The following TASL variants were observed in gnomAD, a reference collection of about 807,000 sequenced individuals.
TASL encodes the protein TLR adapter interacting with SLC15A4 on the lysosome.
Under a neutral mutation model 12.9 loss-of-function variants are expected in TASL, and 6 were observed. The observed-to-expected ratio is 0.46, with a 90% CI of 0.25 to 0.92. TASL has a LOEUF of 0.92. Ranked by LOEUF, TASL falls within the 40% of genes least tolerant of loss-of-function variation. The probability of loss-of-function intolerance (pLI) is 0.17; values close to 1 mark genes in which losing one functional copy is unlikely to be tolerated. For synonymous variants in TASL, 85 were observed against 79.3 expected (o/e 1.07, Z -0.38); for missense variants, 165 against 212.8 (o/e 0.78, Z 1.40).
At chrX:30,569,203 T>A (rs1930551711) in intron 2 of TASL, among the ~76,000 whole-genome samples, 2 of 110,976 alleles carry the variant, frequency 1.8e-5, no homozygotes, top group Non-Finnish European at 3.8e-5. Flanking sequence ...GTTAGGAGGC[T>A]GTTGGATTCA....
Position 30,559,486 on chromosome X carries a change from A to G in TASL, c.870T>C (p.Ser290=), listed in dbSNP as rs1051534138. The change falls in exon 3 of 3, where the codon AGT becomes AGC. Residue 290 remains serine (S), a synonymous_variant. Coordinates refer to ENST00000378962, the MANE Select transcript of TASL (RefSeq NM_025159.3). ...CATTGCTATACTGAGAAATATGGAG[A>G]CTAGGAGTGCTAATTTCAGTAATTT... is the stretch of plus-strand genomic sequence containing the variant. ...STEITEISTP[S]LHISQYSNVN... 4 of 1,201,876 alleles carry G rather than the reference A, an allele frequency of 3.3e-6. No individual in the cohort carries two copies. In the Admixed American group the frequency reaches 8.8e-5, roughly 27 times the overall value.
intron 2 of TASL, among the ~76,000 whole-genome samples, chrX:30,563,128 G>C (rs1181836618): frequency 9.0e-6 from 1 of 111,495 alleles, no homozygotes; most frequent in Non-Finnish European, 1.9e-5. Context: ...CACGTGTCGT[G>C]GGAGGGACCA....
rs1930373737 is a variant in TASL at position 30,558,810 on chromosome X, T to C, written c.*640A>G. 1 of 106,154 alleles carries C rather than the reference T, an allele frequency of 9.4e-6. No homozygotes were observed. Among genetic ancestry groups the C allele is most frequent in the African/African-American group, 3.4e-5 (1 of 29,450 alleles). 8.7% of individuals were successfully genotyped at this position (106,154 alleles called of 1,213,427 possible). A position where few individuals can be genotyped will look rare whatever the true frequency, so the allele number is the denominator to read the frequency against. The stretch of plus-strand genomic sequence containing the variant: ...CTCTTTACCCTGAAACCTTTTGACT[T>C]TTTTTTTTTTTTTGAGACGGGAGTC... On this transcript the variant is annotated 3_prime_UTR_variant, in exon 3 of 3. Coordinates refer to ENST00000378962, the MANE Select transcript of TASL (RefSeq NM_025159.3).
rs926906463 is a variant in TASL at position 30,559,372 on chromosome X, C to G, written c.*78G>C. On this transcript the variant is annotated 3_prime_UTR_variant, in exon 3 of 3. Coordinates refer to ENST00000378962, the MANE Select transcript of TASL (RefSeq NM_025159.3). ...CTTAATTCCCCTTCACTAACCCCTC[C>G]TGCACATTCTCAGAATAAATGGATA... The G allele has an allele frequency of 9.9e-6, 8 of 805,325 alleles. No homozygotes were observed. The South Asian group carries it at 2.1e-4, about 22-fold the overall frequency. 66.4% of individuals were successfully genotyped at this position (805,325 alleles called of 1,213,427 possible).
At position 30,559,737 on chromosome X, in the gene TASL, T is replaced by C; in HGVS notation, c.619A>G (p.Asn207Asp). 8.3e-7 allele frequency: 1 copy of C among 1,211,443 alleles called. No individual in the cohort carries two copies. The highest frequency in any genetic ancestry group is 1.1e-6 in the Non-Finnish European group (1 of 895,082). ...TCCAGGTACTCATTCAGAACTGCAT[T>C]AGAAATAGGATTCTGCATTTGCAAG... ...SSLQMQNPIS[N>D]AVLNEYLEQK... The change falls in exon 3 of 3, where the codon AAT becomes GAT. Residue 207 changes from asparagine to aspartate, a missense_variant. Physicochemically the swap from Asn to Asp is conservative, Grantham distance 23 (BLOSUM62 1). Transcript: ENST00000378962.
At chrX:30,561,445 C>T (rs767918124) in intron 2 of TASL, among the ~76,000 whole-genome samples, 22 of 111,610 alleles carry the variant, frequency 2.0e-4, no homozygotes, top group African/African-American at 3.9e-4. Context: ...CTGGCATTCC[C>T]GGCACTGGGG....
At chrX:30,561,183 T>A (rs1338341373) in intron 2 of TASL, among the ~76,000 whole-genome samples, 2 of 112,008 alleles carry the variant, frequency 1.8e-5, no homozygotes, top group African/African-American at 6.5e-5. Context: ...CATCATGAAG[T>A]ACCACAAAGC....
intron 2 of TASL, among the ~76,000 whole-genome samples, chrX:30,564,875 T>C (rs1389944036): frequency 9.0e-6 from 1 of 111,716 alleles, no homozygotes; most frequent in African/African-American, 3.3e-5. Flanking sequence ...CCCTGCAATG[T>C]AAAGGGCCTC....
chrX:30,572,654 C>T (rs1405823082), intron 2 of TASL, among the ~76,000 whole-genome samples: 2 of 111,834 alleles, frequency 1.8e-5, no homozygotes, highest in Non-Finnish European at 3.8e-5. Flanking sequence ...ACAACACAAG[C>T]GTGGAGTCAA....
chrX:30,573,068 T>C, intron 2 of TASL, among the ~76,000 whole-genome samples: 1 of 112,435 alleles, frequency 8.9e-6, no homozygotes, highest in Middle Eastern at 4.6e-3. Context: ...CTAGATATGA[T>C]CATATCCTTT....
intron 2 of TASL, among the ~76,000 whole-genome samples, chrX:30,567,937 T>C (rs1407542508): frequency 8.9e-6 from 1 of 111,912 alleles, no homozygotes; most frequent in Admixed American, 9.5e-5. Flanking sequence ...TAAAGATAAA[T>C]ATTTTAAAGT....
intron 2 of TASL, among the ~76,000 whole-genome samples, chrX:30,564,580 T>C (rs1930472601): frequency 9.0e-6 from 1 of 111,451 alleles, no homozygotes; most frequent in Non-Finnish European, 1.9e-5. Context: ...AATAAGACAA[T>C]GAAAAAATGT....
intron 2 of TASL, among the ~76,000 whole-genome samples, chrX:30,572,074 C>T (rs1023701495): frequency 1.8e-5 from 2 of 110,923 alleles, no homozygotes; most frequent in Admixed American, 9.6e-5. Flanking sequence ...ATTGGTTAGG[C>T]GTGAAGGAAA....
chrX:30,574,169 G>A (rs768258646), intron 2 of TASL, among the ~76,000 whole-genome samples: 169 of 110,139 alleles, frequency 1.5e-3, no homozygotes, highest in African/African-American at 5.1e-3. Flanking sequence ...TTTGTCTTCC[G>A]TCCTGAGAGT....
intron 2 of TASL, among the ~76,000 whole-genome samples, chrX:30,562,460 A>G (rs1314935521): frequency 9.0e-6 from 1 of 111,637 alleles, no homozygotes; most frequent in Non-Finnish European, 1.9e-5. Flanking sequence ...ACACATCAGC[A>G]TGCTGCTGAG....
chrX:30,560,455 C>G, intron 2 of TASL, 99 bp from the exon 3 acceptor site: 4 of 574,985 alleles, frequency 7.0e-6, no homozygotes, highest in Non-Finnish European at 1.1e-5. Context: ...TGAATAAATT[C>G]ACTTTATTCA....
intron 2 of TASL, among the ~76,000 whole-genome samples, chrX:30,573,796 T>C (rs1418945057): frequency 9.1e-6 from 1 of 110,348 alleles, no homozygotes; most frequent in East Asian, 2.8e-4. Context: ...CGAGCACCTG[T>C]AGTCCCAGCT....
chrX:30,575,983 A>C (rs1930698288), intron 2 of TASL, among the ~76,000 whole-genome samples: 1 of 111,964 alleles, frequency 8.9e-6, no homozygotes. Flanking sequence ...AACCTATCAT[A>C]ATAGTATTGT....
rs1280234112 is a variant in TASL, at chrX:30,577,737, C to T, written c.-216G>A. 1 of 112,417 alleles carries T rather than the reference C, an allele frequency of 8.9e-6. No homozygotes were observed. Among genetic ancestry groups the T allele is most frequent in the Non-Finnish European group, 1.9e-5 (1 of 53,354 alleles). 9.3% of individuals were successfully genotyped at this position (112,417 alleles called of 1,213,427 possible). A position where few individuals can be genotyped will look rare whatever the true frequency, so the allele number is the denominator to read the frequency against. On this transcript the variant is annotated 5_prime_UTR_variant, in exon 1 of 3. In the 5' UTR this introduces an upstream ATG that the reference lacks. Coordinates refer to ENST00000378962, the MANE Select transcript of TASL (RefSeq NM_025159.3). Reference sequence around the variant, plus strand: ...CCAATGCTCTTTCCAGAAATTTTCACAAGCCTTTCACTGATGAGACCAGTA... The same window carrying T: ...CCAATGCTCTTTCCAGAAATTTTCATAAGCCTTTCACTGATGAGACCAGTA...
Sources: allele counts gnomAD v4.1 joint callset (sites outside exome capture counted in the v4.1 genomes callset), GRCh38; gene constraint gnomAD v4.1.1; transcripts MANE v1.5; gene names NCBI Gene and HGNC (gene_info 2026-07-23, HGNC 2026-07-21).